ASIC2: variants seen among roughly 807,000 people sequenced by gnomAD.
ASIC2 encodes acid-sensing ion channel 2.
A neutral mutation model predicts 57.3 loss-of-function variants in ASIC2; 25 were observed. The ratio of observed to expected loss-of-function variants is 0.44; its 90% CI spans 0.32 to 0.61. The LOEUF is 0.61. Among genes scored for constraint, ASIC2 ranks in the 20% least tolerant of loss-of-function variants. ASIC2 has a pLI of 0.06. For missense variants in ASIC2, 641 were observed against 738.1 expected, an observed-to-expected ratio of 0.87 and a Z score of 1.52; for synonymous variants, 319 against 307.5, an observed-to-expected ratio of 1.04 and a Z score of -0.39.
intron 1 of ASIC2, among the ~76,000 whole-genome samples, chr17:34,014,384 A>C (rs1906871750): frequency 6.6e-6 from 1 of 152,174 alleles, no homozygotes. Context: ...CTCATCTGGC[A>C]GTAAGTTTCT....
chr17:33,364,989 C>T (rs369896725), intron 1 of ASIC2, among the ~76,000 whole-genome samples: 7 of 152,172 alleles, frequency 4.6e-5, no homozygotes, highest in East Asian at 1.9e-4. Flanking sequence ...TGCTTAAAAC[C>T]CAGTCATGGG....
At chr17:33,946,776 G>C (rs1424622242) in intron 1 of ASIC2, among the ~76,000 whole-genome samples, 1 of 152,194 alleles carries the variant, frequency 6.6e-6, no homozygotes, top group East Asian at 1.9e-4. Flanking sequence ...CAGGGGACAA[G>C]GGTCATGGAT....
At chr17:33,343,885 C>T (rs936393932) in intron 1 of ASIC2, among the ~76,000 whole-genome samples, 3 of 152,238 alleles carry the variant, frequency 2.0e-5, no homozygotes, top group Non-Finnish European at 4.4e-5. Context: ...TGAAAAGCGA[C>T]TGTGCCTTTG....
intron 2 of ASIC2, among the ~76,000 whole-genome samples, chr17:33,095,694 G>A (rs1050458068): frequency 6.6e-6 from 1 of 152,236 alleles, no homozygotes; most frequent in Non-Finnish European, 1.5e-5. Context: ...AGGGACTTCA[G>A]GCCAGAGGCT....
chr17:33,507,124 C>G (rs1373584927), intron 1 of ASIC2, among the ~76,000 whole-genome samples: 2 of 152,216 alleles, frequency 1.3e-5, no homozygotes, highest in Non-Finnish European at 1.5e-5. Context: ...CTCCCAATAC[C>G]TGATGCTCTA....
chr17:33,243,960 T>C (rs1472871869), intron 1 of ASIC2, among the ~76,000 whole-genome samples: 1 of 152,222 alleles, frequency 6.6e-6, no homozygotes, highest in Non-Finnish European at 1.5e-5. Flanking sequence ...TCTCTGGGCC[T>C]CTGTTTTCCC....
intron 1 of ASIC2, among the ~76,000 whole-genome samples, chr17:34,028,864 T>TC (rs1167721361): frequency 6.6e-6 from 1 of 152,104 alleles, no homozygotes; most frequent in African/African-American, 2.4e-5. Context: ...CTCCTACCAG[T>TC]CCCCCCATCT....
At chr17:33,082,943 G>C (rs761524537) in intron 3 of ASIC2, among the ~76,000 whole-genome samples, 2 of 152,094 alleles carry the variant, frequency 1.3e-5, no homozygotes, top group Non-Finnish European at 2.9e-5. Flanking sequence ...ATGGCTTCCA[G>C]ATCTATATCC....
intron 1 of ASIC2, among the ~76,000 whole-genome samples, chr17:33,396,391 A>T (rs899126263): frequency 4.6e-5 from 7 of 152,242 alleles, no homozygotes; most frequent in African/African-American, 1.7e-4. Context: ...TGTACTAGGC[A>T]TACATAGGCC....
chr17:33,823,621 T>C (rs879839724), intron 1 of ASIC2, among the ~76,000 whole-genome samples: 3 of 152,222 alleles, frequency 2.0e-5, no homozygotes, highest in Non-Finnish European at 4.4e-5. Context: ...TTTCATTATG[T>C]ATGTCCTTTC....
chr17:33,619,850 A>C (rs1331095443), intron 1 of ASIC2, among the ~76,000 whole-genome samples: 1 of 152,216 alleles, frequency 6.6e-6, no homozygotes, highest in African/African-American at 2.4e-5. Context: ...TGAAAAAAAA[A>C]AATCTACATT....
chr17:33,286,675 T>C (rs868830238), intron 1 of ASIC2, among the ~76,000 whole-genome samples: 2 of 152,192 alleles, frequency 1.3e-5, no homozygotes, highest in Non-Finnish European at 2.9e-5. Context: ...AGCTTCTACT[T>C]ATCCTTCAAG....
At chr17:33,749,227 G>C (rs1053458385) in intron 1 of ASIC2, among the ~76,000 whole-genome samples, 1 of 151,750 alleles carries the variant, frequency 6.6e-6, no homozygotes, top group Non-Finnish European at 1.5e-5. Context: ...CATGCTTCAG[G>C]ACCCTTTCCC....
intron 1 of ASIC2, among the ~76,000 whole-genome samples, chr17:33,737,308 A>T (rs934746693): frequency 1.3e-5 from 2 of 152,264 alleles, no homozygotes; most frequent in African/African-American, 4.8e-5. Flanking sequence ...TATTACGAAC[A>T]AGAGGTGTCC....
intron 1 of ASIC2, among the ~76,000 whole-genome samples, chr17:33,519,199 G>A (rs951748125): frequency 6.6e-6 from 1 of 152,192 alleles, no homozygotes; most frequent in Non-Finnish European, 1.5e-5. Context: ...GCTTACCCAA[G>A]GTCACACGGC....
At chr17:34,001,018 T>G (rs1211879339) in intron 1 of ASIC2, 1 of 152,232 alleles carries the variant, frequency 6.6e-6, no homozygotes, top group Non-Finnish European at 1.5e-5. Flanking sequence ...TCTCTTATAC[T>G]TCACTAAGCT....
intron 1 of ASIC2, among the ~76,000 whole-genome samples, chr17:33,703,323 T>TTTTC (rs549064244): frequency 7.0e-5 from 10 of 142,450 alleles, no homozygotes; most frequent in South Asian, 2.1e-4. Context: ...TTCTTTTTCT[T>TTTTC]TTTTTTTTTG....
chr17:33,130,209 G>GTCAA (rs1465448958), intron 1 of ASIC2, among the ~76,000 whole-genome samples: 4 of 152,098 alleles, frequency 2.6e-5, no homozygotes, highest in African/African-American at 9.7e-5. Flanking sequence ...GTTTGTGCAG[G>GTCAA]TCAATGTACA....
At chr17:34,147,820 T>C (rs1904352182) in intron 1 of ASIC2, among the ~76,000 whole-genome samples, 1 of 152,168 alleles carries the variant, frequency 6.6e-6, no homozygotes, top group African/African-American at 2.4e-5. Context: ...TAGACTCAGG[T>C]GGTATCGTTT....
Sources: allele counts gnomAD v4.1 joint callset (sites outside exome capture counted in the v4.1 genomes callset), GRCh38; gene constraint gnomAD v4.1.1; transcripts MANE v1.5; gene names NCBI Gene and HGNC (gene_info 2026-07-23, HGNC 2026-07-21).